Variants in BRINP2 observed in about 807,000 individuals in gnomAD.
BRINP2 encodes BMP/retinoic acid-inducible neural-specific protein 2.
Under a neutral mutation model 69.2 loss-of-function variants are expected in BRINP2, and 21 were observed. That is an observed-to-expected ratio of 0.30 (90% CI 0.22 to 0.44). The LOEUF (loss-of-function observed/expected upper bound fraction) is 0.44, where lower values mean the gene tolerates loss of function less well. BRINP2 is among the 20% of genes least tolerant of loss of function. BRINP2 has a pLI of 1.00. For synonymous variants in BRINP2, 380 were observed against 394.1 expected (o/e 0.96, Z 0.42); for missense variants, 877 against 986.0 (o/e 0.89, Z 1.48).
intron 1 of BRINP2, among the ~76,000 whole-genome samples, chr1:177,221,688 A>G (rs1649536764): frequency 6.6e-6 from 1 of 151,682 alleles, no homozygotes; most frequent in South Asian, 2.1e-4. Flanking sequence ...TTCCCCACAT[A>G]CACACACTAC....
chr1:177,189,403 C>CCAAG (rs869050792), intron 1 of BRINP2, among the ~76,000 whole-genome samples: 1 of 141,092 alleles, frequency 7.1e-6, no homozygotes, highest in African/African-American at 2.6e-5. Flanking sequence ...CCTGCCTCTG[C>CCAAG]CAAGCCCCTG....
chr1:177,220,938 C>CA (rs2102318262), intron 1 of BRINP2, among the ~76,000 whole-genome samples: 1 of 152,240 alleles, frequency 6.6e-6, no homozygotes, highest in Non-Finnish European at 1.5e-5. Flanking sequence ...ACACAGCTTC[C>CA]AAAAAAGCAG....
At chr1:177,266,489 G>T (rs1257682926) in intron 4 of BRINP2, among the ~76,000 whole-genome samples, 1 of 152,074 alleles carries the variant, frequency 6.6e-6, no homozygotes, top group Non-Finnish European at 1.5e-5. Flanking sequence ...GCTGGGCGCG[G>T]TGGCTCACGC....
chr1:177,254,587 T>A (rs1650693516), intron 2 of BRINP2, among the ~76,000 whole-genome samples: 1 of 152,076 alleles, frequency 6.6e-6, no homozygotes, highest in Non-Finnish European at 1.5e-5. Flanking sequence ...TGTGGTTGAG[T>A]TGCAAGCTGA....
In BRINP2 at chr1:177,281,171, C is replaced by T. The variant is rs2102367010; in HGVS notation, c.1995C>T (p.Pro665=). 6 of 1,614,158 alleles carry T rather than the reference C, an allele frequency of 3.7e-6. No individual in the cohort carries two copies. Among genetic ancestry groups the T allele is most frequent in the Non-Finnish European group, 5.1e-6 (6 of 1,180,032 alleles). Residue 665 remains proline, a synonymous_variant, in exon 8 of 8, where the codon CCC becomes CCT. Coordinates refer to ENST00000361539, the MANE Select transcript of BRINP2 (RefSeq NM_021165.4). ...CCAATGAGACAATCTACTATGAGCC[C>T]CTGGAGATGACTGATCCCTCTAAGA... ...DSSNETIYYE[P]LEMTDPSKNL...
chr1:177,186,246 T>C (rs943759700), intron 1 of BRINP2, among the ~76,000 whole-genome samples: 1 of 152,132 alleles, frequency 6.6e-6, no homozygotes, highest in Non-Finnish European at 1.5e-5. Context: ...GCAAGCTCTA[T>C]GGATGACACA....
rs183496017 is a variant in BRINP2, at chr1:177,210,512, T to C, written c.-76-19289T>C. Among the ~76,000 whole-genome samples the C allele has an allele frequency of 3.9e-5, 6 of 152,266 alleles. No homozygotes were observed. The East Asian group carries it at 1.2e-3, about 29-fold the overall frequency. ...ATGCACAACAATAAATACATAGAAA[T>C]ATATAGGAATGGATGAAATATAGAC... On this transcript the variant is annotated intron_variant, in intron 1 of 7. Coordinates refer to ENST00000361539, the MANE Select transcript of BRINP2 (RefSeq NM_021165.4).
At chr1:177,266,424 G>A (rs1344546821) in intron 4 of BRINP2, among the ~76,000 whole-genome samples, 1 of 151,910 alleles carries the variant, frequency 6.6e-6, no homozygotes, top group African/African-American at 2.4e-5. Context: ...ATGCTTGTCT[G>A]TTCACCTGAA....
At chr1:177,242,761 A>T (rs919129393) in intron 2 of BRINP2, among the ~76,000 whole-genome samples, 7 of 152,188 alleles carry the variant, frequency 4.6e-5, no homozygotes, top group African/African-American at 1.7e-4. Context: ...CCCCAGCACC[A>T]TGTCTGCCAC....
chr1:177,235,436 T>C (rs1649989164), intron 2 of BRINP2, among the ~76,000 whole-genome samples: 1 of 152,072 alleles, frequency 6.6e-6, no homozygotes, highest in Non-Finnish European at 1.5e-5. Flanking sequence ...GAGTTATTAG[T>C]GCCAAGACAT....
intron 2 of BRINP2, among the ~76,000 whole-genome samples, chr1:177,252,492 T>G (rs1287967954): frequency 1.3e-5 from 2 of 152,204 alleles, no homozygotes; most frequent in East Asian, 3.8e-4. Flanking sequence ...GTGTGATGTT[T>G]CAATACATGC....
intron 1 of BRINP2, among the ~76,000 whole-genome samples, chr1:177,188,257 T>G (rs1648488452): frequency 6.6e-6 from 1 of 152,200 alleles, no homozygotes; most frequent in Non-Finnish European, 1.5e-5. Context: ...AAATATTTAT[T>G]GAGCTCTTTC....
In BRINP2 at chr1:177,223,185, G is replaced by A. The variant is rs181334895; in HGVS notation, c.-76-6616G>A. Among the ~76,000 whole-genome samples, 46 of 152,238 alleles carry A rather than the reference G, an allele frequency of 3.0e-4. No individual in the cohort carries two copies. The Middle Eastern group carries it at 0.01, about 34-fold the overall frequency. On this transcript the variant is annotated intron_variant, in intron 1 of 7. Transcript: ENST00000361539. ...ACCAAGGAAAGCACCAAGGACACCC[G>A]GCAGGCAAGTATGAAGCCTCAGCAA...
At chr1:177,251,863 C>T (rs1650594244) in intron 2 of BRINP2, among the ~76,000 whole-genome samples, 1 of 152,044 alleles carries the variant, frequency 6.6e-6, no homozygotes, top group Non-Finnish European at 1.5e-5. Flanking sequence ...TTATAAGAAA[C>T]TATGGAAATT....
intron 1 of BRINP2, among the ~76,000 whole-genome samples, chr1:177,221,346 G>T (rs922053781): frequency 6.6e-6 from 1 of 152,164 alleles, no homozygotes; most frequent in African/African-American, 2.4e-5. Context: ...GGACTCATGG[G>T]TTTTGAATTT....
chr1:177,251,748 C>G (rs1053456095), intron 2 of BRINP2, among the ~76,000 whole-genome samples: 1 of 152,282 alleles, frequency 6.6e-6, no homozygotes, highest in East Asian at 1.9e-4. Context: ...CAGTGTCTGA[C>G]TGGGCCAGAC....
chr1:177,184,314 C>G (rs1648363836), intron 1 of BRINP2, among the ~76,000 whole-genome samples: 1 of 152,094 alleles, frequency 6.6e-6, no homozygotes, highest in Non-Finnish European at 1.5e-5. Context: ...CCTCCCCTTA[C>G]TTTTCACCCT....
In BRINP2 at chr1:177,236,935, C is replaced by A. The variant is rs1042164192; in HGVS notation, c.269+6790C>A. ...GGTGCAACTAAAAAAAAAAAAAAAA[C>A]TCCCACCTGAAGAGGCATGTCATTT... On this transcript the variant is annotated intron_variant, in intron 2 of 7. Transcript: ENST00000361539. Among the ~76,000 whole-genome samples, 259 of 149,178 alleles carry A rather than the reference C, an allele frequency of 1.7e-3. 1 individual carries two copies. The highest frequency in any genetic ancestry group is 2.9e-3 in the Non-Finnish European group (195 of 67,244).
At chr1:177,199,296 C>T (rs577385020) in intron 1 of BRINP2, among the ~76,000 whole-genome samples, 44 of 152,110 alleles carry the variant, frequency 2.9e-4, no homozygotes, top group Non-Finnish European at 5.3e-4. Context: ...CAACTTTGGC[C>T]GCATACACTA....
Sources: allele counts gnomAD v4.1 joint callset (sites outside exome capture counted in the v4.1 genomes callset), GRCh38; gene constraint gnomAD v4.1.1; transcripts MANE v1.5; gene names NCBI Gene and HGNC (gene_info 2026-07-23, HGNC 2026-07-21).